RXFP2: variants seen among roughly 807,000 people sequenced by gnomAD.
RXFP2 encodes the protein relaxin family peptide receptor 2.
RXFP2 carries 68 observed loss-of-function variants against 88.6 expected under a neutral mutation model. The ratio of observed to expected loss-of-function variants is 0.77; its 90% CI spans 0.63 to 0.94. The LOEUF is 0.94. Among genes scored for constraint, RXFP2 ranks in the 40% least tolerant of loss-of-function variants. The pLI, the probability that RXFP2 is intolerant of heterozygous loss-of-function variation, is 0.00. For missense variants in RXFP2, 791 were observed against 893.9 expected (o/e 0.88, Z 1.47); for synonymous variants, 329 against 306.8 (o/e 1.07, Z -0.76).
chr13:31,791,023 T>A (rs1256612014), intron 14 of RXFP2, among the ~76,000 whole-genome samples: 1 of 151,784 alleles, frequency 6.6e-6, no homozygotes. Context: ...AAAAAATGAA[T>A]TAAACTGACA....
At chr13:31,744,782 T>C (rs1871345312) in intron 1 of RXFP2, among the ~76,000 whole-genome samples, 1 of 152,212 alleles carries the variant, frequency 6.6e-6, no homozygotes, top group Non-Finnish European at 1.5e-5. Context: ...AGCTGTCTGT[T>C]TGGGGTTTTA....
At chr13:31,752,654 A>C (rs1243242449) in intron 1 of RXFP2, among the ~76,000 whole-genome samples, 2 of 152,098 alleles carry the variant, frequency 1.3e-5, no homozygotes, top group African/African-American at 4.8e-5. Context: ...AACAAACAAC[A>C]AATCATCTAT....
rs772244644 is a variant in RXFP2 at position 31,797,275 on chromosome 13, T to C, written c.1861T>C (p.Leu621=). The change falls in exon 17 of 18, where the codon TTG becomes CTG. Residue 621 remains leucine, a synonymous_variant. Coordinates refer to ENST00000298386, the MANE Select transcript of RXFP2 (RefSeq NM_130806.5). ...GTTCTGTTCCATTCAAAAAACCGCCTTGCAGACCACAGAAGTAAGGAATTG... is the reference window on the plus strand; with the variant it reads ...GTTCTGTTCCATTCAAAAAACCGCCCTGCAGACCACAGAAGTAAGGAATTG... ...TMFCSIQKTA[L]QTTEVRNCFG... 1.2e-6 allele frequency: 2 copies of C among 1,614,116 alleles called. No homozygotes were observed. The highest frequency in any genetic ancestry group is 2.2e-5 in the East Asian group (1 of 44,874).
intron 16 of RXFP2, among the ~76,000 whole-genome samples, chr13:31,796,211 G>A (rs61946591): frequency 2.7e-4 from 41 of 149,640 alleles, no homozygotes; most frequent in East Asian, 1.9e-3. Context: ...CACCGCGCCC[G>A]GCTAATTTTT....
Position 31,781,714 on chromosome 13 carries a change from T to C in RXFP2, c.829T>C (p.Phe277Leu). ...NRIKYLTNSTFLSCDSLTVLF... is the reference protein window; with the variant it reads ...NRIKYLTNSTLLSCDSLTVLF... ...AATAAAGTATCTCACAAATTCTACG[T>C]TTCTGTCGTGCGATTCGCTCACAGT... is the stretch of plus-strand genomic sequence containing the variant. The change falls in exon 10 of 18, where the codon TTT becomes CTT. Residue 277 changes from phenylalanine (F) to leucine (L), a missense_variant. Phe to Leu is a conservative substitution (Grantham distance 22). Transcript: ENST00000298386. 1 of 1,612,830 alleles carries C rather than the reference T, an allele frequency of 6.2e-7. No homozygotes were observed. Among genetic ancestry groups the C allele is most frequent in the East Asian group, 2.2e-5 (1 of 44,856 alleles).
intron 16 of RXFP2, among the ~76,000 whole-genome samples, chr13:31,793,737 G>T (rs963125920): frequency 1.3e-5 from 2 of 151,802 alleles, no homozygotes; most frequent in African/African-American, 4.8e-5. Flanking sequence ...TAGAATTAAG[G>T]CCTTTCCTAT....
At chr13:31,776,008 T>C (rs1872926771) in intron 7 of RXFP2, among the ~76,000 whole-genome samples, 1 of 152,244 alleles carries the variant, frequency 6.6e-6, no homozygotes, top group South Asian at 2.1e-4. Flanking sequence ...GCCTGGCCCT[T>C]AGCCCCATGC....
At chr13:31,776,091 T>TC (rs1328557647) in intron 7 of RXFP2, among the ~76,000 whole-genome samples, 51 of 70,414 alleles carry the variant, frequency 7.2e-4, no homozygotes, top group African/African-American at 2.6e-3. Context: ...CTTCCTTCTT[T>TC]CTTTCTTTTC....
chr13:31,774,788 G>A (rs1872871065), intron 6 of RXFP2, 97 bp downstream of exon 6: 2 of 763,980 alleles, frequency 2.6e-6, no homozygotes. Context: ...TTGTAGGGAA[G>A]TGGGAGGAAT....
In RXFP2 at chr13:31,768,833, C is replaced by T. The variant is rs566201389; in HGVS notation, c.497+2806C>T. Among the ~76,000 whole-genome samples the T allele has an allele frequency of 4.6e-5, 7 of 152,284 alleles. No individual in the cohort carries two copies. The East Asian group carries it at 1.4e-3, about 29-fold the overall frequency. ...AAAATAGCCCCCTGCACCAGTCCTA[C>T]TTCTTGTCCCTCCTGTCCATCTACT... On this transcript the variant is annotated intron_variant, in intron 5 of 17. Transcript: ENST00000298386.
chr13:31,794,251 A>C (rs1425336132), intron 16 of RXFP2, among the ~76,000 whole-genome samples: 4 of 152,062 alleles, frequency 2.6e-5, no homozygotes, highest in African/African-American at 9.7e-5. Flanking sequence ...TTGGTCATAG[A>C]TATGTCATTC....
chr13:31,753,431 T>C (rs1242953212), intron 1 of RXFP2, among the ~76,000 whole-genome samples: 2 of 152,168 alleles, frequency 1.3e-5, no homozygotes, highest in Non-Finnish European at 2.9e-5. Context: ...CTCTGTCGTA[T>C]GTTCGAGCCT....
Position 31,791,829 on chromosome 13 carries a change from G to T in RXFP2, c.1169G>T (p.Cys390Phe), listed in dbSNP as rs1342303749. The T allele has an allele frequency of 6.2e-7, 1 of 1,613,796 alleles. No individual in the cohort carries two copies. The highest frequency in any genetic ancestry group is 8.5e-7 in the Non-Finnish European group (1 of 1,179,912). ...AGTTATTTCAAAAACTTTCGATACTGCTCCTATGCTCCCCATGTCCGAATA... is the reference window on the plus strand; with the variant it reads ...AGTTATTTCAAAAACTTTCGATACTTCTCCTATGCTCCCCATGTCCGAATA... ...SHIYFKNFRY[C>F]SYAPHVRICM... is the part of the protein sequence containing the mutation. Residue 390 changes from cysteine to phenylalanine, a missense_variant, in exon 15 of 18, where the codon TGC becomes TTC. By Grantham distance (205) the Cys-to-Phe change is radical. Coordinates refer to ENST00000298386, the MANE Select transcript of RXFP2 (RefSeq NM_130806.5).
At chr13:31,761,169 G>A (rs989091416) in intron 2 of RXFP2, among the ~76,000 whole-genome samples, 1 of 152,000 alleles carries the variant, frequency 6.6e-6, no homozygotes, top group African/African-American at 2.4e-5. Context: ...TCCCAAGCTG[G>A]TCTTGAACTC....
In RXFP2 at chr13:31,744,017, C is replaced by T. The variant is rs80298880; in HGVS notation, c.94+4311C>T. Among the ~76,000 whole-genome samples the T allele has an allele frequency of 5.3e-3, 800 of 152,310 alleles. 7 individuals are homozygous for T. Among genetic ancestry groups the T allele is most frequent in the African/African-American group, 0.016 (660 of 41,570 alleles). On this transcript the variant is annotated intron_variant, in intron 1 of 17. Coordinates refer to ENST00000298386, the MANE Select transcript of RXFP2 (RefSeq NM_130806.5). ...CTAATCACCTCCTGTCTTTGCCGAG[C>T]TCCCTCCCCAGGGGCTTCCTGGATC...
At chr13:31,797,512 A>C in intron 17 of RXFP2, 93 bp downstream of exon 17, 1 of 932,236 alleles carries the variant, frequency 1.1e-6, no homozygotes, top group Non-Finnish European at 1.7e-6. Context: ...ATAATAAATT[A>C]TTCATAAAAA....
intron 5 of RXFP2, among the ~76,000 whole-genome samples, chr13:31,769,909 A>G (rs2138422620): frequency 6.6e-6 from 1 of 152,284 alleles, no homozygotes; most frequent in South Asian, 2.1e-4. Context: ...TAATTATGTC[A>G]TCTGCAAATA....
chr13:31,802,821 T>G lies in RXFP2; in HGVS notation c.*416T>G, dbSNP rs1874421886. 1 of 175,494 alleles carries G rather than the reference T, an allele frequency of 5.7e-6. No individual in the cohort carries two copies. Among genetic ancestry groups the G allele is most frequent in the Admixed American group, 5.6e-5 (1 of 17,870 alleles). The allele number at this position is 175,494 out of a possible 1,614,324, so 10.9% of individuals were successfully genotyped here. ...TAATAACAGAAATCTAACAACTCTT[T>G]CCTTGCCTTTTCAATATCAAATAAA... On this transcript the variant is annotated 3_prime_UTR_variant, in exon 18 of 18. Coordinates refer to ENST00000298386, the MANE Select transcript of RXFP2 (RefSeq NM_130806.5).
rs1320428533 is a variant in RXFP2 at position 31,761,816 on chromosome 13, T to C, written c.319+15T>C. ...ACAGGAGTGCTGTAAGTGGTTTTGATTCAAAGACAGTATCAGCTTTGTGAA... is the reference window on the plus strand; with the variant it reads ...ACAGGAGTGCTGTAAGTGGTTTTGACTCAAAGACAGTATCAGCTTTGTGAA... On this transcript the variant is annotated intron_variant, in intron 3 of 17. Coordinates refer to ENST00000298386, the MANE Select transcript of RXFP2 (RefSeq NM_130806.5). The C allele has an allele frequency of 6.4e-7, 1 of 1,554,202 alleles. No homozygotes were observed. The highest frequency in any genetic ancestry group is 8.9e-7 in the Non-Finnish European group (1 of 1,125,718).
Sources: gnomAD v4.1 joint callset for allele counts (sites outside exome capture counted in the v4.1 genomes callset) on GRCh38, gnomAD v4.1.1 for gene constraint, MANE v1.5 for transcripts, NCBI Gene and HGNC (gene_info 2026-07-23, HGNC 2026-07-21) for gene names.